The following USH2A variants were observed in gnomAD, a reference collection of about 807,000 sequenced individuals.
The protein encoded by USH2A is Usher syndrome 2A (autosomal recessive, mild).
USH2A carries 443 observed loss-of-function variants against 538.9 expected under a neutral mutation model. The observed-to-expected ratio is 0.82, with a 90% confidence interval of 0.76 to 0.89. The LOEUF (loss-of-function observed/expected upper bound fraction) is 0.89, where lower values mean the gene tolerates loss of function less well. Ranked by LOEUF, USH2A falls within the 40% of genes least tolerant of loss-of-function variation. The pLI is 0.00. For missense variants in USH2A, 6,633 were observed against 6,324.8 expected (o/e 1.05, Z -1.65); for synonymous variants, 2,413 against 2,273.5 (o/e 1.06, Z -1.75).
At chr1:216,260,813 T>C (rs936742723) in intron 11 of USH2A, among the ~76,000 whole-genome samples, 2 of 152,090 alleles carry the variant, frequency 1.3e-5, no homozygotes, top group Non-Finnish European at 2.9e-5. Context: ...AAGGATTAAG[T>C]GAAAGTCTGT....
intron 14 of USH2A, among the ~76,000 whole-genome samples, chr1:216,220,365 T>G (rs554831481): frequency 6.7e-6 from 1 of 149,686 alleles, no homozygotes; most frequent in African/African-American, 2.5e-5. Context: ...TCTTATAGAA[T>G]TGCCCCGGTC....
At chr1:215,960,256 T>A (rs1474284031) in intron 37 of USH2A, among the ~76,000 whole-genome samples, 1 of 152,156 alleles carries the variant, frequency 6.6e-6, no homozygotes, top group African/African-American at 2.4e-5. Context: ...TTAAATGGAA[T>A]AGAATTTATA....
chr1:215,933,383 T>G (rs1666411269), intron 38 of USH2A, among the ~76,000 whole-genome samples: 1 of 151,960 alleles, frequency 6.6e-6, no homozygotes, highest in Non-Finnish European at 1.5e-5. Flanking sequence ...CAATTCCCTT[T>G]TAAAATTATT....
At chr1:215,923,738 G>A (rs1027484365) in intron 38 of USH2A, among the ~76,000 whole-genome samples, 3 of 152,052 alleles carry the variant, frequency 2.0e-5, no homozygotes, top group African/African-American at 7.2e-5. Context: ...CACTAGGACT[G>A]CACAAGAGCA....
At chr1:216,248,175 A>G (rs926636437) in intron 12 of USH2A, among the ~76,000 whole-genome samples, 2 of 152,056 alleles carry the variant, frequency 1.3e-5, no homozygotes, top group Non-Finnish European at 2.9e-5. Context: ...CACTAAGTAA[A>G]TTCTGTTTTT....
At chr1:216,173,840 C>T (rs934817437) in intron 21 of USH2A, 2 of 507,824 alleles carry the variant, frequency 3.9e-6, no homozygotes, top group Non-Finnish European at 5.1e-6. Context: ...GGAAGAAACA[C>T]ATCTCAAGCC....
intron 37 of USH2A, among the ~76,000 whole-genome samples, chr1:215,935,670 G>T (rs1337659435): frequency 6.6e-6 from 1 of 151,772 alleles, no homozygotes. Flanking sequence ...AAAAATTAGG[G>T]TTAAAATAAG....
At chr1:216,200,220 C>T in intron 16 of USH2A, 99 bp from the exon 17 acceptor site, 17 of 1,202,502 alleles carry the variant, frequency 1.4e-5, no homozygotes, top group Non-Finnish European at 2.0e-5. Flanking sequence ...ATTACATAAA[C>T]TATACCAATC....
chr1:216,286,816 T>G (rs1217081948), intron 11 of USH2A, among the ~76,000 whole-genome samples: 2 of 152,186 alleles, frequency 1.3e-5, no homozygotes, highest in Non-Finnish European at 2.9e-5. Context: ...AAAAATGGAC[T>G]AATACATGGG....
chr1:216,419,040 CAGGCCGCTTG>C (rs746761434), intron 2 of USH2A, among the ~76,000 whole-genome samples: 4 of 152,092 alleles, frequency 2.6e-5, no homozygotes, highest in Admixed American at 6.6e-5. Context: ...CAACACACTA[CAGGCCGCTTG>C]AGTATTAAGT....
chr1:216,051,303 A>G (rs1014536405), intron 30 of USH2A, among the ~76,000 whole-genome samples: 2 of 152,182 alleles, frequency 1.3e-5, no homozygotes. Context: ...ACGTGCCCCA[A>G]CCAAGAATCA....
At chr1:215,640,943 T>C (rs999494656) in intron 67 of USH2A, among the ~76,000 whole-genome samples, 3 of 151,320 alleles carry the variant, frequency 2.0e-5, no homozygotes, top group Non-Finnish European at 4.4e-5. Context: ...AGAAAACCAA[T>C]GGGAACATGT....
chr1:216,207,504 C>A, intron 15 of USH2A, 73 bp from the exon 16 acceptor site: 1 of 1,577,240 alleles, frequency 6.3e-7, no homozygotes, highest in Non-Finnish European at 8.7e-7. Flanking sequence ...AGTAAGATAT[C>A]CAGCAAAGAG....
Position 215,885,702 on chromosome 1 carries a change from A to G in USH2A, c.8223+2724T>C, listed in dbSNP as rs75161389. 3.5e-3 allele frequency among the ~76,000 whole-genome samples: 539 copies of G among 152,304 alleles called. 1 individual carries two copies. The highest frequency in any genetic ancestry group is 0.013 in the African/African-American group (526 of 41,564). ...ATATCACCTCTTTTAGTACTTACTA[A>G]TATGTTACATTGCATTTATTTTCTA... On this transcript the variant is annotated intron_variant, in intron 41 of 71. Transcript: ENST00000307340.
intron 46 of USH2A, among the ~76,000 whole-genome samples, chr1:215,839,844 A>C (rs989290432): frequency 9.9e-5 from 15 of 152,162 alleles, no homozygotes; most frequent in African/African-American, 3.4e-4. Context: ...TAAAAGGGAC[A>C]TATAAAGGGA....
chr1:215,934,254 C>G (rs1666435725), intron 38 of USH2A, among the ~76,000 whole-genome samples: 1 of 151,940 alleles, frequency 6.6e-6, no homozygotes, highest in African/African-American at 2.4e-5. Flanking sequence ...AAAATGGAAG[C>G]TCAAATTGCA....
intron 11 of USH2A, among the ~76,000 whole-genome samples, chr1:216,266,187 T>G (rs1029998005): frequency 6.6e-6 from 1 of 151,814 alleles, no homozygotes; most frequent in Non-Finnish European, 1.5e-5. Flanking sequence ...AAATATTATG[T>G]GTTGATTGAT....
At chr1:215,813,183 C>T (rs923936459) in intron 49 of USH2A, among the ~76,000 whole-genome samples, 2 of 152,128 alleles carry the variant, frequency 1.3e-5, no homozygotes, top group Admixed American at 6.6e-5. Flanking sequence ...AAATGGCTAG[C>T]TAAGTTGGCT....
chr1:216,065,948 T>G (rs1458502742), intron 30 of USH2A, among the ~76,000 whole-genome samples: 1 of 151,946 alleles, frequency 6.6e-6, no homozygotes, highest in Non-Finnish European at 1.5e-5. Flanking sequence ...TGGACCTACC[T>G]AGGCACATCA....
Sources: allele counts gnomAD v4.1 joint callset (sites outside exome capture counted in the v4.1 genomes callset), GRCh38; gene constraint gnomAD v4.1.1; transcripts MANE v1.5; gene names NCBI Gene and HGNC (gene_info 2026-07-23, HGNC 2026-07-21).